The following CTNNA3 variants were observed in gnomAD, a reference collection of about 807,000 sequenced individuals.
CTNNA3 encodes the protein catenin alpha 3.
In CTNNA3, 76 loss-of-function variants were observed where a neutral mutation model predicts 95.7. The ratio of observed to expected loss-of-function variants is 0.79; its 90% confidence interval spans 0.66 to 0.96. The LOEUF (loss-of-function observed/expected upper bound fraction) is 0.96. CTNNA3 is among the 40% of genes least tolerant of loss of function. CTNNA3 has a pLI of 0.00. For synonymous variants in CTNNA3, 431 were observed against 374.4 expected, an observed-to-expected ratio of 1.15 and a Z score of -1.74; for missense variants, 1,191 against 1,089.8, an observed-to-expected ratio of 1.09 and a Z score of -1.31.
At chr10:67,759,150 T>C (rs1403274127) in intron 1 of CTNNA3, among the ~76,000 whole-genome samples, 1 of 152,208 alleles carries the variant, frequency 6.6e-6, no homozygotes, top group Non-Finnish European at 1.5e-5. Flanking sequence ...ATGCAGCAAT[T>C]CCTTGATAAT....
intron 7 of CTNNA3, among the ~76,000 whole-genome samples, chr10:67,023,082 T>C (rs1853132568): frequency 6.6e-6 from 1 of 152,176 alleles, no homozygotes; most frequent in Non-Finnish European, 1.5e-5. Context: ...AGTTGAGCTA[T>C]GTATCTAATT....
Position 66,508,210 on chromosome 10 carries a change from G to GTTTTTTTTTTTTTTT in CTNNA3, c.1531+12406_1531+12407insAAAAAAAAAAAAAAA, listed in dbSNP as rs756807793. On this transcript the variant is annotated intron_variant, in intron 11 of 17. Coordinates refer to ENST00000433211, the MANE Select transcript of CTNNA3 (RefSeq NM_013266.4). ...TTTTTTTTGTTTTGTTTTGTTTTCT[G>GTTTTTTTTTTTTTTT]TTTTTTTTTTTTTTAACAATTTCGT... is the stretch of plus-strand genomic sequence containing the variant. 3.6e-3 allele frequency among the ~76,000 whole-genome samples: 389 copies of GTTTTTTTTTTTTTTT among 108,284 alleles called. 10 individuals are homozygous for GTTTTTTTTTTTTTTT. Among genetic ancestry groups the GTTTTTTTTTTTTTTT allele is most frequent in the African/African-American group, 0.013 (375 of 28,184 alleles). 71.0% of individuals were successfully genotyped at this position (108,284 alleles called of 152,430 possible). A position where few individuals can be genotyped will look rare whatever the true frequency, so the allele number is the denominator to read the frequency against.
At chr10:66,161,457 T>C (rs191822677) in intron 13 of CTNNA3, among the ~76,000 whole-genome samples, 144 of 152,298 alleles carry the variant, frequency 9.5e-4, no homozygotes, top group Non-Finnish European at 1.8e-3. Context: ...TCATGTATGA[T>C]GCTTAGTTTC....
At chr10:66,702,664 C>A (rs1847985075) in intron 9 of CTNNA3, among the ~76,000 whole-genome samples, 1 of 148,722 alleles carries the variant, frequency 6.7e-6, no homozygotes, top group Non-Finnish European at 1.5e-5. Flanking sequence ...CGAGATCATG[C>A]CACCGGCACT....
intron 13 of CTNNA3, among the ~76,000 whole-genome samples, chr10:66,218,622 T>A (rs1349821857): frequency 3.9e-5 from 6 of 152,166 alleles, no homozygotes; most frequent in Non-Finnish European, 7.4e-5. Flanking sequence ...CAAACTCAAC[T>A]AGCTAAGACA....
chr10:67,583,639 T>C (rs1011621458), intron 3 of CTNNA3, among the ~76,000 whole-genome samples: 3 of 152,214 alleles, frequency 2.0e-5, no homozygotes, highest in Non-Finnish European at 4.4e-5. Context: ...TCCTGGATAA[T>C]ATCCTGAGGA....
chr10:67,713,232 A>T (rs1277735059), intron 1 of CTNNA3, among the ~76,000 whole-genome samples: 1 of 152,260 alleles, frequency 6.6e-6, no homozygotes, highest in Non-Finnish European at 1.5e-5. Context: ...AACCACGATG[A>T]GATAACATCT....
intron 10 of CTNNA3, among the ~76,000 whole-genome samples, chr10:66,565,512 T>C (rs1166044844): frequency 6.6e-6 from 1 of 152,084 alleles, no homozygotes; most frequent in Non-Finnish European, 1.5e-5. Flanking sequence ...AAGGGAAGGA[T>C]AGGGGAAATA....
chr10:66,360,810 TTC>T lies in CTNNA3; in HGVS notation c.1732+18340_1732+18341del, dbSNP rs1564897218. Among the ~76,000 whole-genome samples the T allele has an allele frequency of 7.2e-4, 57 of 79,466 alleles. 3 individuals are homozygous for T. The highest frequency in any genetic ancestry group is 2.4e-3 in the South Asian group (4 of 1,634). 52.1% of individuals were successfully genotyped at this position (79,466 alleles called of 152,430 possible). ...CTTCCTTCCTTCCTTCCTTCCTTCC[TTC>T]CTTCCTTTCTTTCTTTCTTTCTTTC... On this transcript the variant is annotated intron_variant, in intron 12 of 17. Coordinates refer to ENST00000433211, the MANE Select transcript of CTNNA3 (RefSeq NM_013266.4).
intron 5 of CTNNA3, among the ~76,000 whole-genome samples, chr10:67,403,665 G>T (rs936867177): frequency 4.6e-5 from 7 of 152,076 alleles, no homozygotes; most frequent in African/African-American, 1.4e-4. Flanking sequence ...AAACTATATG[G>T]GGGTGAAGGG....
rs561476524 is a variant in CTNNA3, at chr10:65,971,228, A to G, written c.2266-4482T>C. On this transcript the variant is annotated intron_variant, in intron 16 of 17. Coordinates refer to ENST00000433211, the MANE Select transcript of CTNNA3 (RefSeq NM_013266.4). ...AAAAAGTTAGAAAGATCTCAAATTA[A>G]TGATTTCACATCATGCCTAGAGGAG... 2.6e-5 allele frequency among the ~76,000 whole-genome samples: 4 copies of G among 152,080 alleles called. No individual in the cohort carries two copies. The South Asian group carries it at 8.3e-4, about 31-fold the overall frequency.
At position 65,915,811 on chromosome 10, in the gene CTNNA3, T is replaced by A. The variant is rs1324430763; in HGVS notation, c.*4519A>T. ...GCAAGAAGACTAGTGTTTTAAACTA[T>A]TCTTTATTTTGCTTTAATAGAATAT... On this transcript the variant is annotated 3_prime_UTR_variant, in exon 18 of 18. Transcript: ENST00000433211. 2.0e-5 allele frequency: 3 copies of A among 152,228 alleles called. No homozygotes were observed. Among genetic ancestry groups the A allele is most frequent in the Non-Finnish European group, 1.5e-5 (1 of 68,040 alleles). The allele number at this position is 152,228 out of a possible 1,614,324, so 9.4% of individuals were successfully genotyped here.
chr10:66,817,164 C>T (rs1201665437), intron 7 of CTNNA3, among the ~76,000 whole-genome samples: 6 of 151,852 alleles, frequency 4.0e-5, no homozygotes, highest in African/African-American at 1.2e-4. Context: ...GAAATCACCA[C>T]GAAAGAACTT....
chr10:66,952,395 T>G (rs549241433), intron 7 of CTNNA3, among the ~76,000 whole-genome samples: 1 of 152,268 alleles, frequency 6.6e-6, no homozygotes, highest in East Asian at 1.9e-4. Flanking sequence ...ACAAAAGACA[T>G]AAGCAACGCA....
rs562578711 is a variant in CTNNA3, at chr10:66,452,496, C to T, written c.1531+68121G>A. Among the ~76,000 whole-genome samples, 46 of 152,228 alleles carry T rather than the reference C, an allele frequency of 3.0e-4. No homozygotes were observed. In the South Asian group the frequency reaches 7.1e-3, roughly 23 times the overall value. ...TCCTGGGTGTGGGCCTAGCTAACTACGGGAGAAACTTAGTTTATGGCCTAA... is the reference window on the plus strand; with the variant it reads ...TCCTGGGTGTGGGCCTAGCTAACTATGGGAGAAACTTAGTTTATGGCCTAA... On this transcript the variant is annotated intron_variant, in intron 11 of 17. Transcript: ENST00000433211.
intron 10 of CTNNA3, among the ~76,000 whole-genome samples, chr10:66,528,103 C>T (rs1316679356): frequency 2.0e-5 from 3 of 152,092 alleles, no homozygotes; most frequent in Non-Finnish European, 4.4e-5. Context: ...TCCCTGCCCA[C>T]GCTCGCTCAT....
intron 7 of CTNNA3, among the ~76,000 whole-genome samples, chr10:66,995,114 G>A (rs1050760755): frequency 6.6e-6 from 1 of 152,092 alleles, no homozygotes; most frequent in African/African-American, 2.4e-5. Flanking sequence ...TTCCTCTGAG[G>A]TGTCATTGCT....
chr10:67,190,234 AT>A (rs1451221040), intron 6 of CTNNA3, among the ~76,000 whole-genome samples: 4 of 152,146 alleles, frequency 2.6e-5, no homozygotes, highest in African/African-American at 9.6e-5. Flanking sequence ...ATGAATCTAT[AT>A]ATAATAGCTT....
chr10:66,504,786 T>G (rs1840394831), intron 11 of CTNNA3, among the ~76,000 whole-genome samples: 1 of 152,194 alleles, frequency 6.6e-6, no homozygotes, highest in Admixed American at 6.6e-5. Context: ...TATTGCTTTG[T>G]TGAAAGTCTT....
Sources: allele counts gnomAD v4.1 joint callset (sites outside exome capture counted in the v4.1 genomes callset), GRCh38; gene constraint gnomAD v4.1.1; transcripts MANE v1.5; gene names NCBI Gene and HGNC (gene_info 2026-07-23, HGNC 2026-07-21).